Variants in WDR72 observed in about 807,000 individuals in gnomAD.
The protein encoded by WDR72 is WD repeat domain 72.
WDR72 carries 120 observed loss-of-function variants against 124.2 expected under a neutral mutation model. The ratio of observed to expected loss-of-function variants is 0.97; its 90% CI spans 0.83 to 1.12. The LOEUF (loss-of-function observed/expected upper bound fraction) is 1.12, where lower values mean the gene tolerates loss of function less well. WDR72 is among the 50% of genes most tolerant of loss of function. WDR72 has a pLI of 0.00. For synonymous variants in WDR72, 452 were observed against 441.7 expected (o/e 1.02, Z -0.29); for missense variants, 1,387 against 1,278.8 (o/e 1.08, Z -1.29).
chr15:53,693,473 A>G (rs1354611737), intron 13 of WDR72, among the ~76,000 whole-genome samples: 2 of 152,204 alleles, frequency 1.3e-5, no homozygotes, highest in African/African-American at 4.8e-5. Context: ...TAAACACTGA[A>G]TATTTTTGAA....
intron 16 of WDR72, among the ~76,000 whole-genome samples, chr15:53,611,113 G>T (rs565624249): frequency 6.6e-6 from 1 of 152,238 alleles, no homozygotes; most frequent in Admixed American, 6.6e-5. Context: ...AATTCCTGCT[G>T]ACAGAAGTGA....
At chr15:53,606,968 A>C (rs2013313116) in intron 17 of WDR72, among the ~76,000 whole-genome samples, 1 of 152,314 alleles carries the variant, frequency 6.6e-6, no homozygotes, top group Non-Finnish European at 1.5e-5. Context: ...CCTATAGTAT[A>C]TTACGAGTTA....
chr15:53,751,869 A>G (rs534401028), intron 1 of WDR72, among the ~76,000 whole-genome samples: 2 of 152,306 alleles, frequency 1.3e-5, no homozygotes, highest in African/African-American at 4.8e-5. Context: ...TCTGTGTTGG[A>G]TTTTTATCAA....
At chr15:53,587,240 A>T (rs753717302) in intron 18 of WDR72, among the ~76,000 whole-genome samples, 12 of 152,030 alleles carry the variant, frequency 7.9e-5, no homozygotes, top group Admixed American at 1.3e-4. Flanking sequence ...TTTTACATAT[A>T]ACTATGGAGG....
At chr15:53,543,041 A>C (rs1298059436) in intron 18 of WDR72, among the ~76,000 whole-genome samples, 2 of 150,224 alleles carry the variant, frequency 1.3e-5, no homozygotes, top group African/African-American at 4.9e-5. Context: ...ACACATTAAT[A>C]ATGGGAGACT....
At chr15:53,560,121 A>G (rs1386935616) in intron 18 of WDR72, among the ~76,000 whole-genome samples, 1 of 151,932 alleles carries the variant, frequency 6.6e-6, no homozygotes, top group Non-Finnish European at 1.5e-5. Flanking sequence ...AGCAGTCAGC[A>G]GCAGTTGAGG....
chr15:53,751,477 C>A (rs562778576), intron 1 of WDR72, among the ~76,000 whole-genome samples: 33 of 152,116 alleles, frequency 2.2e-4, no homozygotes, highest in South Asian at 1.4e-3. Flanking sequence ...ACAGTATGCA[C>A]ATTGTTACTT....
chr15:53,755,852 A>C (rs2018888948), intron 1 of WDR72, among the ~76,000 whole-genome samples: 1 of 152,246 alleles, frequency 6.6e-6, no homozygotes, highest in South Asian at 2.1e-4. Context: ...GGTAATTTAC[A>C]TATCCAGTCT....
In WDR72 at chr15:53,513,914, G is replaced by A. The variant is rs1891306153; in HGVS notation, c.*3785C>T. 1 of 152,088 alleles carries A rather than the reference G, an allele frequency of 6.6e-6. No individual in the cohort carries two copies. Among genetic ancestry groups the A allele is most frequent in the Admixed American group, 6.6e-5 (1 of 15,262 alleles). 9.4% of individuals were successfully genotyped at this position (152,088 alleles called of 1,614,324 possible). On this transcript the variant is annotated 3_prime_UTR_variant, in exon 20 of 20. Coordinates refer to ENST00000360509, the MANE Select transcript of WDR72 (RefSeq NM_182758.4). ...ATTAGACACATGCTGTCTTCCAGGG[G>A]TCCCAAATTGGATGGGTGTTTCCAG...
chr15:53,565,747 CAT>C (rs1328690986), intron 18 of WDR72, among the ~76,000 whole-genome samples: 3 of 144,668 alleles, frequency 2.1e-5, no homozygotes, highest in African/African-American at 5.0e-5. Flanking sequence ...TCATTTCAAA[CAT>C]GTGCACATAC....
intron 17 of WDR72, among the ~76,000 whole-genome samples, chr15:53,599,010 G>A (rs1440848673): frequency 6.6e-6 from 1 of 151,938 alleles, no homozygotes; most frequent in African/African-American, 2.4e-5. Flanking sequence ...TGTAGTCCTG[G>A]CTACTCAGGA....
At chr15:53,579,817 TA>T (rs1054015399) in intron 18 of WDR72, among the ~76,000 whole-genome samples, 15 of 151,674 alleles carry the variant, frequency 9.9e-5, no homozygotes, top group African/African-American at 2.7e-4. Context: ...CTGTCCCCTA[TA>T]AAAAAAATGT....
chr15:53,689,476 C>T (rs371056311), intron 13 of WDR72, among the ~76,000 whole-genome samples: 6,047 of 149,142 alleles, frequency 0.041, 199 homozygotes, highest in Non-Finnish European at 0.05. Context: ...TGCTCATCAT[C>T]TCTGGCCATC....
intron 9 of WDR72, among the ~76,000 whole-genome samples, chr15:53,706,371 T>TATATATATATAC (rs2017372748): frequency 9.5e-5 from 5 of 52,636 alleles, no homozygotes; most frequent in Non-Finnish European, 1.5e-4. Flanking sequence ...TATATATATA[T>TATATATATATAC]ATATATATAT....
intron 12 of WDR72, among the ~76,000 whole-genome samples, 189 bp downstream of exon 12, chr15:53,701,945 A>T (rs1039351851): frequency 1.3e-5 from 2 of 152,182 alleles, no homozygotes; most frequent in African/African-American, 4.8e-5. Flanking sequence ...TGTAAGTTAT[A>T]ATAATACTAC....
chr15:53,642,284 T>C (rs1026794603), intron 14 of WDR72, among the ~76,000 whole-genome samples: 1 of 152,006 alleles, frequency 6.6e-6, no homozygotes, highest in Non-Finnish European at 1.5e-5. Flanking sequence ...ACTAAAATAG[T>C]ATGTATCAGA....
intron 11 of WDR72, among the ~76,000 whole-genome samples, chr15:53,702,956 G>A (rs1382509881): frequency 2.0e-5 from 3 of 149,958 alleles, no homozygotes; most frequent in African/African-American, 4.9e-5. Context: ...CTAGAGTACA[G>A]TGGTACAATC....
intron 14 of WDR72, among the ~76,000 whole-genome samples, chr15:53,629,289 T>C (rs1055139650): frequency 2.0e-5 from 3 of 151,538 alleles, no homozygotes; most frequent in African/African-American, 7.3e-5. Context: ...AGAAATGAGC[T>C]TGCAAACCAA....
chr15:53,543,802 T>A (rs1343665711), intron 18 of WDR72, among the ~76,000 whole-genome samples: 1 of 152,014 alleles, frequency 6.6e-6, no homozygotes, highest in East Asian at 1.9e-4. Flanking sequence ...TAAAAAATGA[T>A]AAAGGGGATG....
Sources: gnomAD v4.1 joint callset for allele counts (sites outside exome capture counted in the v4.1 genomes callset) on GRCh38, gnomAD v4.1.1 for gene constraint, MANE v1.5 for transcripts, NCBI Gene and HGNC (gene_info 2026-07-23, HGNC 2026-07-21) for gene names.